The following TMEM74 variants were observed in gnomAD, a reference collection of about 807,000 sequenced individuals.
TMEM74 encodes transmembrane protein 74.
Under a neutral mutation model 18.1 loss-of-function variants are expected in TMEM74, and 13 were observed. The ratio of observed to expected loss-of-function variants is 0.72; its 90% CI spans 0.47 to 1.14. The LOEUF is 1.14. Ranked by LOEUF, TMEM74 falls within the 50% of genes most tolerant of loss-of-function variation. The probability of loss-of-function intolerance (pLI) is 0.00; values close to 1 mark genes in which losing one functional copy is unlikely to be tolerated. For synonymous variants in TMEM74, 159 were observed against 146.6 expected (o/e 1.08, Z -0.61); for missense variants, 372 against 375.9 (o/e 0.99, Z 0.09).
At chr8:108,645,207 T>C (rs1812706719) in intron 2 of TMEM74, among the ~76,000 whole-genome samples, 1 of 152,088 alleles carries the variant, frequency 6.6e-6, no homozygotes, top group South Asian at 2.1e-4. Flanking sequence ...TGCAGCAACA[T>C]AGATTCAGCT....
intron 1 of TMEM74, among the ~76,000 whole-genome samples, chr8:108,719,680 G>A (rs990012470): frequency 6.6e-6 from 1 of 152,042 alleles, no homozygotes; most frequent in African/African-American, 2.4e-5. Flanking sequence ...CAAGCCATTG[G>A]CAGGCTACTT....
chr8:108,709,018 A>G (rs1349498255), intron 1 of TMEM74, among the ~76,000 whole-genome samples: 1 of 152,102 alleles, frequency 6.6e-6, no homozygotes, highest in Admixed American at 6.6e-5. Flanking sequence ...GCTACTATAA[A>G]AAAACATAAA....
At chr8:108,637,118 T>C (rs1812614750) in intron 2 of TMEM74, among the ~76,000 whole-genome samples, 1 of 152,106 alleles carries the variant, frequency 6.6e-6, no homozygotes, top group African/African-American at 2.4e-5. Flanking sequence ...GTTCAAGCAT[T>C]ATATTCTCTA....
intron 1 of TMEM74, among the ~76,000 whole-genome samples, chr8:108,697,948 A>AT (rs1351844165): frequency 2.0e-5 from 3 of 152,178 alleles, no homozygotes; most frequent in Non-Finnish European, 4.4e-5. Context: ...CTTTCTCAAG[A>AT]TGACCTACTA....
intron 2 of TMEM74, among the ~76,000 whole-genome samples, chr8:108,609,179 T>C (rs1166869297): frequency 6.6e-6 from 1 of 152,228 alleles, no homozygotes; most frequent in Non-Finnish European, 1.5e-5. Context: ...GGCTGAAGTT[T>C]CTCTATAGAT....
intron 2 of TMEM74, among the ~76,000 whole-genome samples, chr8:108,639,600 G>A (rs193187009): frequency 1.4e-3 from 210 of 152,162 alleles, no homozygotes; most frequent in Middle Eastern, 6.8e-3. Context: ...ATTTTACATG[G>A]GTGACACTCC....
rs904938720 is a variant in TMEM74 at position 108,731,528 on chromosome 8, T to A, written n.119+55948A>T. Among the ~76,000 whole-genome samples, 4 of 152,154 alleles carry A rather than the reference T, an allele frequency of 2.6e-5. No individual in the cohort carries two copies. In the East Asian group the frequency reaches 5.8e-4, roughly 22 times the overall value. ...CACTGAGTTTTCAAATAAAAATTTC[T>A]TCCGTAGGACACACTAAATTACTGG... On this transcript the variant is annotated intron_variant and non_coding_transcript_variant, in intron 1 of 3. Transcript: ENST00000518838.
At chr8:108,671,991 A>C (rs1449048863) in intron 1 of TMEM74, among the ~76,000 whole-genome samples, 1 of 152,218 alleles carries the variant, frequency 6.6e-6, no homozygotes. Context: ...TAAGCTTAGC[A>C]CAAGTATTAT....
rs375131704 is a variant in TMEM74 at position 108,677,421 on chromosome 8, T to G, written n.120-21984A>C. On this transcript the variant is annotated intron_variant and non_coding_transcript_variant, in intron 1 of 3. Coordinates refer to the TMEM74 transcript ENST00000518838. ...ATATAAAATGTATTATACGTATCAG[T>G]GAGCTAGAAGTATGTTAGAGTAAAA... Among the ~76,000 whole-genome samples the G allele has an allele frequency of 1.2e-4, 18 of 152,304 alleles. No homozygotes were observed. In the East Asian group the frequency reaches 3.3e-3, roughly 28 times the overall value.
chr8:108,690,376 T>G (rs1050769519), intron 1 of TMEM74, among the ~76,000 whole-genome samples: 2 of 141,662 alleles, frequency 1.4e-5, no homozygotes, highest in Non-Finnish European at 3.1e-5. Flanking sequence ...TACAATACTG[T>G]TTTTTTTTGT....
At position 108,658,404 on chromosome 8, in the gene TMEM74, T is replaced by C. The variant is rs575051524; in HGVS notation, n.120-2967A>G. Reference sequence around the variant, plus strand: ...ATGTGCTTACCTCTAGATCTGGGAGTGACTGAGACCAGCCCTAATGTGCTG... The same window carrying C: ...ATGTGCTTACCTCTAGATCTGGGAGCGACTGAGACCAGCCCTAATGTGCTG... On this transcript the variant is annotated intron_variant and non_coding_transcript_variant, in intron 1 of 3. Transcript: ENST00000518838. Among the ~76,000 whole-genome samples the C allele has an allele frequency of 4.6e-5, 7 of 152,144 alleles. No individual in the cohort carries two copies. In the East Asian group the frequency reaches 1.4e-3, roughly 30 times the overall value.
intron 1 of TMEM74, among the ~76,000 whole-genome samples, chr8:108,738,091 C>T (rs1813765863): frequency 6.6e-6 from 1 of 152,096 alleles, no homozygotes; most frequent in Non-Finnish European, 1.5e-5. Flanking sequence ...CTTTTCATTA[C>T]CTTTCCACCA....
intron 2 of TMEM74, among the ~76,000 whole-genome samples, chr8:108,648,957 C>A (rs1031288411): frequency 6.6e-6 from 1 of 152,216 alleles, no homozygotes; most frequent in East Asian, 1.9e-4. Flanking sequence ...AAAAATAAAG[C>A]AAAAGAGTAT....
intron 1 of TMEM74, among the ~76,000 whole-genome samples, chr8:108,693,175 T>G (rs1813247456): frequency 6.6e-6 from 1 of 152,174 alleles, no homozygotes; most frequent in South Asian, 2.1e-4. Flanking sequence ...TAAGCCGGTA[T>G]GGCTGGAGTA....
chr8:108,639,220 T>G (rs1812638126), intron 2 of TMEM74, among the ~76,000 whole-genome samples: 1 of 152,186 alleles, frequency 6.6e-6, no homozygotes, highest in Non-Finnish European at 1.5e-5. Flanking sequence ...AGTTGGTTAC[T>G]TAGCAATAGT....
At chr8:108,769,849 T>C (rs1186136326) in intron 1 of TMEM74, among the ~76,000 whole-genome samples, 2 of 152,118 alleles carry the variant, frequency 1.3e-5, no homozygotes, top group African/African-American at 2.4e-5. Flanking sequence ...TGAATTCCTT[T>C]CTGAGTTTTA....
At chr8:108,730,230 T>C (rs1813679888) in intron 1 of TMEM74, among the ~76,000 whole-genome samples, 2 of 151,774 alleles carry the variant, frequency 1.3e-5, no homozygotes, top group South Asian at 2.1e-4. Context: ...GGCTGGGGAG[T>C]CAAGCTGGCA....
At chr8:108,627,823 C>A (rs559662090) in intron 2 of TMEM74, among the ~76,000 whole-genome samples, 1 of 151,888 alleles carries the variant, frequency 6.6e-6, no homozygotes, top group Admixed American at 6.6e-5. Context: ...GAAGCTGAGG[C>A]GGATGTTTGA....
intron 1 of TMEM74, among the ~76,000 whole-genome samples, chr8:108,756,706 AAGAAAGAAAGAAAG>A (rs1370179532): frequency 1.8e-5 from 2 of 110,032 alleles, no homozygotes; most frequent in African/African-American, 3.6e-5. Context: ...GAAGGAAGGA[AAGAAAGAAAGAAAG>A]AGAAAGAAAG....
Sources: allele counts gnomAD v4.1 joint callset (sites outside exome capture counted in the v4.1 genomes callset), GRCh38; gene constraint gnomAD v4.1.1; transcripts MANE v1.5; gene names NCBI Gene and HGNC (gene_info 2026-07-23, HGNC 2026-07-21).